The following PLEKHA7 variants were observed in gnomAD, a reference collection of about 807,000 sequenced individuals.
PLEKHA7 encodes the protein pleckstrin homology domain containing A7, also known as pleckstrin homology domain-containing family A member 7.
In PLEKHA7, 104 loss-of-function variants were observed where a neutral mutation model predicts 170.0. The observed-to-expected ratio is 0.61, with a 90% CI of 0.52 to 0.72. The LOEUF (loss-of-function observed/expected upper bound fraction) is 0.72. Among genes scored for constraint, PLEKHA7 ranks in the 30% least tolerant of loss-of-function variants. PLEKHA7 has a pLI of 0.00. For missense variants in PLEKHA7, 1,615 were observed against 1,671.7 expected (o/e 0.97, Z 0.59); for synonymous variants, 648 against 660.8 (o/e 0.98, Z 0.30).
chr11:16,830,721 C>T (rs1386743045), intron 9 of PLEKHA7, among the ~76,000 whole-genome samples: 1 of 152,150 alleles, frequency 6.6e-6, no homozygotes, highest in Non-Finnish European at 1.5e-5. Flanking sequence ...TATACAGCCC[C>T]CACTGGGACA....
intron 26 of PLEKHA7, among the ~76,000 whole-genome samples, chr11:16,779,702 ACT>A (rs1316962244): frequency 6.6e-6 from 1 of 151,958 alleles, no homozygotes; most frequent in Admixed American, 6.6e-5. Flanking sequence ...GGACCTGCTG[ACT>A]CTGCTGTGAG....
chr11:16,844,673 C>T (rs1053387774), intron 8 of PLEKHA7, among the ~76,000 whole-genome samples: 1 of 152,160 alleles, frequency 6.6e-6, no homozygotes, highest in African/African-American at 2.4e-5. Context: ...AAGAACTTAC[C>T]TCAAAGACAT....
At chr11:16,818,182 C>T (rs564260044) in intron 10 of PLEKHA7, among the ~76,000 whole-genome samples, 3 of 152,336 alleles carry the variant, frequency 2.0e-5, no homozygotes, top group Non-Finnish European at 2.9e-5. Context: ...GGGTTTGAAG[C>T]CAAGCTTGAC....
intron 3 of PLEKHA7, among the ~76,000 whole-genome samples, chr11:16,905,467 C>A (rs900849235): frequency 5.3e-5 from 8 of 151,950 alleles, no homozygotes; most frequent in African/African-American, 1.9e-4. Context: ...ATAACCCAAA[C>A]TGTATATCAG....
chr11:16,804,219 G>C (rs533197534), intron 13 of PLEKHA7, among the ~76,000 whole-genome samples: 47 of 152,284 alleles, frequency 3.1e-4, no homozygotes, highest in African/African-American at 1.1e-3. Context: ...CCTAATGTAG[G>C]GGAAACCACC....
chr11:16,861,002 T>C (rs1853899006), intron 4 of PLEKHA7, among the ~76,000 whole-genome samples: 1 of 152,216 alleles, frequency 6.6e-6, no homozygotes, highest in Non-Finnish European at 1.5e-5. Flanking sequence ...CAAAGCATTA[T>C]TTGGAACTGT....
chr11:16,847,954 G>C (rs1380723037), intron 8 of PLEKHA7, among the ~76,000 whole-genome samples: 1 of 151,954 alleles, frequency 6.6e-6, no homozygotes, highest in Admixed American at 6.6e-5. Context: ...GAGCAACATA[G>C]AGGATGAACT....
At chr11:16,930,880 C>T (rs1565128045) in intron 3 of PLEKHA7, among the ~76,000 whole-genome samples, 1 of 152,098 alleles carries the variant, frequency 6.6e-6, no homozygotes, top group Non-Finnish European at 1.5e-5. Context: ...GGAGAGCTGG[C>T]CAGTGCCTTA....
rs12276595 is a variant in PLEKHA7 at position 16,902,892 on chromosome 11, A to G, written c.222-31710T>C. On this transcript the variant is annotated intron_variant, in intron 3 of 26. Coordinates refer to ENST00000531066, the MANE Select transcript of PLEKHA7 (RefSeq NM_001329630.2). The stretch of plus-strand genomic sequence containing the variant: ...CAGCAAGTGACAGTTATTATTAACA[A>G]CACCCTTATTCACACTTTACAATCC... Among the ~76,000 whole-genome samples the G allele has an allele frequency of 3.1e-3, 477 of 152,356 alleles. 4 individuals are homozygous for G. The highest frequency in any genetic ancestry group is 0.011 in the African/African-American group (459 of 41,576).
Position 17,010,997 on chromosome 11 carries a change from C to G in PLEKHA7, c.221+2992G>C, listed in dbSNP as rs150521514. Among the ~76,000 whole-genome samples, 1,135 of 152,316 alleles carry G rather than the reference C, an allele frequency of 7.5e-3. 13 individuals carry two copies. The highest frequency in any genetic ancestry group is 0.026 in the African/African-American group (1,096 of 41,564). ...TTTGAGGGTAGGGAACACTGTCACA[C>G]ATTGCTTTTTCTAGGCCTGGGAGGA... is the stretch of plus-strand genomic sequence containing the variant. On this transcript the variant is annotated intron_variant, in intron 3 of 26. Coordinates refer to ENST00000531066, the MANE Select transcript of PLEKHA7 (RefSeq NM_001329630.2).
Position 16,826,549 on chromosome 11 carries a change from T to A in PLEKHA7, c.914A>T (p.Asn305Ile), listed in dbSNP as rs146091349. The change falls in exon 10 of 27, where the codon AAC (asparagine) becomes ATC (isoleucine). Residue 305 changes from asparagine to isoleucine, a missense_variant. By Grantham distance (149) the Asn-to-Ile change is moderately radical. Coordinates refer to ENST00000531066, the MANE Select transcript of PLEKHA7 (RefSeq NM_001329630.2). ...KVERQAVPQA[N>I]HTESCHECGR... is the part of the protein sequence containing the mutation. The stretch of plus-strand genomic sequence containing the variant: ...ACATTCGTGACAGGACTCTGTGTGG[T>A]TGGCCTGGGGGACAGCCTGCCGCTC... The A allele has an allele frequency of 1.1e-5, 18 of 1,614,000 alleles. No individual in the cohort carries two copies. The highest frequency in any genetic ancestry group is 1.4e-5 in the Non-Finnish European group (16 of 1,180,036).
At chr11:16,838,188 C>A (rs1482682737) in intron 9 of PLEKHA7, among the ~76,000 whole-genome samples, 1 of 152,128 alleles carries the variant, frequency 6.6e-6, no homozygotes, top group Non-Finnish European at 1.5e-5. Context: ...AGGATAGATA[C>A]AGGCAATTCC....
intron 3 of PLEKHA7, among the ~76,000 whole-genome samples, chr11:17,006,320 C>T (rs1864988850): frequency 7.0e-6 from 1 of 142,516 alleles, no homozygotes; most frequent in Non-Finnish European, 1.5e-5. Context: ...AAGAATGAAA[C>T]TCCATCTAAA....
intron 3 of PLEKHA7, among the ~76,000 whole-genome samples, chr11:16,942,954 T>C (rs1316109621): frequency 6.6e-6 from 1 of 152,188 alleles, no homozygotes; most frequent in Non-Finnish European, 1.5e-5. Context: ...ATGCTAACGC[T>C]CAAAGTTGAG....
chr11:16,879,186 C>G (rs1855528364), intron 3 of PLEKHA7, among the ~76,000 whole-genome samples: 2 of 152,188 alleles, frequency 1.3e-5, no homozygotes, highest in South Asian at 4.1e-4. Flanking sequence ...GCTAGTATTG[C>G]TCTCTGCTTA....
intron 3 of PLEKHA7, among the ~76,000 whole-genome samples, chr11:16,889,251 C>A (rs989274628): frequency 2.6e-5 from 4 of 151,732 alleles, no homozygotes; most frequent in Non-Finnish European, 2.9e-5. Flanking sequence ...GTGACCTCCT[C>A]CTCTGCTAAC....
At chr11:16,982,780 TACACACACACAC>T (rs35725815) in intron 3 of PLEKHA7, among the ~76,000 whole-genome samples, 7 of 144,026 alleles carry the variant, frequency 4.9e-5, no homozygotes, top group African/African-American at 1.8e-4. Context: ...CACTATCCCC[TACACACACACAC>T]ACACACACAC....
chr11:16,788,089 C>T (rs1034369414), intron 23 of PLEKHA7: 1 of 152,482 alleles, frequency 6.6e-6, no homozygotes, highest in Non-Finnish European at 1.5e-5. Context: ...TGTCTACTGT[C>T]CAGGTGTAAA....
chr11:17,014,193 A>T lies in PLEKHA7; in HGVS notation c.95T>A (p.Leu32His), dbSNP rs200126779. Residue 32 changes from leucine to histidine, a missense_variant, in exon 2 of 27, where the codon CTC (leucine) becomes CAC (histidine). Coordinates refer to ENST00000531066, the MANE Select transcript of PLEKHA7 (RefSeq NM_001329630.2). ...DGRVFFINDQ[L>H]RCTTWLHPRT... Reference sequence around the variant, plus strand: ...CGGATGCAGCCAGGTCGTGCAGCGGAGCTGGTCACTGCGGGCAGAGAGGTG... The same window carrying T: ...CGGATGCAGCCAGGTCGTGCAGCGGTGCTGGTCACTGCGGGCAGAGAGGTG... 124 of 1,590,928 alleles carry T rather than the reference A, an allele frequency of 7.8e-5. No homozygotes were observed. In the South Asian group the frequency reaches 1.2e-3, roughly 15 times the overall value.
Sources: allele counts gnomAD v4.1 joint callset (sites outside exome capture counted in the v4.1 genomes callset), GRCh38; gene constraint gnomAD v4.1.1; transcripts MANE v1.5; gene names NCBI Gene and HGNC (gene_info 2026-07-23, HGNC 2026-07-21).